PHACTR2: variants seen among roughly 807,000 people sequenced by gnomAD.
PHACTR2 encodes the protein phosphatase and actin regulator 2.
In PHACTR2, 30 loss-of-function variants were observed where a neutral mutation model predicts 76.0. The observed-to-expected ratio is 0.39, with a 90% CI of 0.30 to 0.54. The LOEUF is 0.54. Ranked by LOEUF, PHACTR2 falls within the 20% of genes least tolerant of loss-of-function variation. The pLI, the probability that PHACTR2 is intolerant of heterozygous loss-of-function variation, is 0.61. For missense variants in PHACTR2, 696 were observed against 781.1 expected (o/e 0.89, Z 1.30); for synonymous variants, 292 against 292.5 (o/e 1.00, Z 0.02).
At chr6:143,798,654 T>C (rs1438035471) in intron 11 of PHACTR2, among the ~76,000 whole-genome samples, 1 of 152,246 alleles carries the variant, frequency 6.6e-6, no homozygotes, top group Non-Finnish European at 1.5e-5. Flanking sequence ...CATGTGGTTT[T>C]TGTCATTGGT....
intron 1 of PHACTR2, among the ~76,000 whole-genome samples, chr6:143,588,939 T>C (rs1222078837): frequency 6.6e-6 from 1 of 152,230 alleles, no homozygotes; most frequent in African/African-American, 2.4e-5. Flanking sequence ...CTAATTTGAA[T>C]CAATGATCAA....
intron 2 of PHACTR2, among the ~76,000 whole-genome samples, chr6:143,732,727 C>A (rs566055167): frequency 6.6e-6 from 1 of 152,248 alleles, no homozygotes; most frequent in East Asian, 1.9e-4. Flanking sequence ...TTTTTCAATG[C>A]AGCCACACCA....
intron 1 of PHACTR2, among the ~76,000 whole-genome samples, chr6:143,703,505 A>T (rs1202382590): frequency 6.6e-6 from 1 of 152,212 alleles, no homozygotes; most frequent in Non-Finnish European, 1.5e-5. Flanking sequence ...GGAGGCATGT[A>T]TGAATAGCAG....
intron 2 of PHACTR2, among the ~76,000 whole-genome samples, chr6:143,717,307 C>T (rs576275269): frequency 3.3e-5 from 5 of 152,280 alleles, no homozygotes; most frequent in African/African-American, 1.2e-4. Context: ...TTTGATTCAG[C>T]ACCAGCTGAT....
At chr6:143,629,081 G>A (rs1582715626) in intron 1 of PHACTR2, among the ~76,000 whole-genome samples, 1 of 150,870 alleles carries the variant, frequency 6.6e-6, no homozygotes, top group East Asian at 2.0e-4. Context: ...GATAATGGTG[G>A]TGAGTTATAT....
chr6:143,597,256 G>A lies in PHACTR2; in HGVS notation c.217+60049G>A, dbSNP rs934674970. Among the ~76,000 whole-genome samples the A allele has an allele frequency of 2.6e-5, 4 of 152,168 alleles. No homozygotes were observed. The highest frequency in any genetic ancestry group is 9.7e-5 in the African/African-American group (4 of 41,450). On this transcript the variant is annotated intron_variant, in intron 1 of 11. Transcript: ENST00000367584. This position sits in a 1 kb window ranked among gnomAD's most constrained non-coding sequence, Gnocchi z 5.7. Reference sequence around the variant, plus strand: ...ACATACCATTCGTGAGCTGCTTGCTGTCCCTCCCTTGAAGGAATATTGAGG... The same window carrying A: ...ACATACCATTCGTGAGCTGCTTGCTATCCCTCCCTTGAAGGAATATTGAGG...
chr6:143,771,178 ATATATATATATGTGTG>A (rs1562300775), intron 6 of PHACTR2, among the ~76,000 whole-genome samples: 389 of 25,942 alleles, frequency 0.015, 8 homozygotes, highest in African/African-American at 0.055. Flanking sequence ...ATATATGTAT[ATATATATATATGTGTG>A]TATATATATA....
At position 143,599,348 on chromosome 6, in the gene PHACTR2, G is replaced by A. The variant is rs1270170218; in HGVS notation, c.217+62141G>A. On this transcript the variant is annotated intron_variant, in intron 1 of 11. Transcript: ENST00000367584. This position sits in a 1 kb window ranked among gnomAD's most constrained non-coding sequence, Gnocchi z 4.6. ...GATTCATGAGAGAAAAAAGTAACAT[G>A]CTTTTTAGGCATTTTTAGGAATTTT... Among the ~76,000 whole-genome samples the A allele has an allele frequency of 1.3e-5, 2 of 152,134 alleles. No individual in the cohort carries two copies. The highest frequency in any genetic ancestry group is 4.1e-4 in the South Asian group (2 of 4,824).
rs1268987965 is a variant in PHACTR2, at chr6:143,751,438, G to A, written c.296-2316G>A. 6.6e-6 allele frequency among the ~76,000 whole-genome samples: 1 copy of A among 152,034 alleles called. No homozygotes were observed. Among genetic ancestry groups the A allele is most frequent in the East Asian group, 1.9e-4 (1 of 5,188 alleles). ...CCTTAGCTTTTGACATGAGGTTGTGGAGGTGGTTTTGCCTGTGTGCCATCC... is the reference window on the plus strand; with the variant it reads ...CCTTAGCTTTTGACATGAGGTTGTGAAGGTGGTTTTGCCTGTGTGCCATCC... On this transcript the variant is annotated intron_variant, in intron 3 of 12. Transcript: ENST00000440869. The surrounding 1 kb of genome is among the most constrained non-coding windows in gnomAD (Gnocchi z 5.7).
rs889498372 is a variant in PHACTR2, at chr6:143,616,172, A to C, written c.13+7850A>C. ...CCCAACATCCAGCTATCTCCCCAAA[A>C]TTATTTTGAATTTTTTTCACATAAA... On this transcript the variant is annotated intron_variant, in intron 1 of 11. Coordinates refer to the PHACTR2 transcript ENST00000305766. This position sits in a 1 kb window ranked among gnomAD's most constrained non-coding sequence, Gnocchi z 4.9. 6.6e-6 allele frequency among the ~76,000 whole-genome samples: 1 copy of C among 152,158 alleles called. No individual in the cohort carries two copies. The highest frequency in any genetic ancestry group is 1.9e-4 in the East Asian group (1 of 5,186).
chr6:143,792,209 G>T (rs1488488158), intron 11 of PHACTR2, among the ~76,000 whole-genome samples: 1 of 151,966 alleles, frequency 6.6e-6, no homozygotes, highest in African/African-American at 2.4e-5. Context: ...TATTTTTCTG[G>T]CCATGATCTT....
chr6:143,760,729 T>G lies in PHACTR2; in HGVS notation c.694+89T>G. On this transcript the variant is annotated intron_variant, in intron 5 of 12. Transcript: ENST00000440869. The surrounding 1 kb of genome is among the most constrained non-coding windows in gnomAD (Gnocchi z 6.4). ...ATTGTTTCTTCTAGGTGTGATGGGC[T>G]TTTGGTGTCTTAGGACATTACACCA... 1 of 1,443,944 alleles carries G rather than the reference T, an allele frequency of 6.9e-7. No homozygotes were observed. The highest frequency in any genetic ancestry group is 1.4e-5 in the African/African-American group (1 of 70,506). The allele number at this position is 1,443,944 out of a possible 1,614,324, so 89.4% of individuals were successfully genotyped here. A position where few individuals can be genotyped will look rare whatever the true frequency, so the allele number is the denominator to read the frequency against.
chr6:143,626,503 G>C (rs36155996), intron 1 of PHACTR2, among the ~76,000 whole-genome samples: 7,479 of 141,238 alleles, frequency 0.053, 205 homozygotes, highest in Middle Eastern at 0.11. Context: ...CGCCACTGCA[G>C]TCCATCCTGG....
chr6:143,584,136 C>T (rs1341055453), intron 1 of PHACTR2, among the ~76,000 whole-genome samples: 1 of 152,170 alleles, frequency 6.6e-6, no homozygotes, highest in Non-Finnish European at 1.5e-5. Flanking sequence ...TGACCCATCA[C>T]CACCTCCTGT....
At position 143,553,412 on chromosome 6, in the gene PHACTR2, T is replaced by C. The variant is rs566998481; in HGVS notation, c.217+16205T>C. On this transcript the variant is annotated intron_variant, in intron 1 of 11. Coordinates refer to the PHACTR2 transcript ENST00000367584. The surrounding 1 kb of genome is among the most constrained non-coding windows in gnomAD (Gnocchi z 4.2). Reference sequence around the variant, plus strand: ...TAAATTCACGGAAGTGAAAATATCATACAAACCAGGAAGAGGGGAGTTGGT... The same window carrying C: ...TAAATTCACGGAAGTGAAAATATCACACAAACCAGGAAGAGGGGAGTTGGT... Among the ~76,000 whole-genome samples the C allele has an allele frequency of 6.6e-6, 1 of 152,278 alleles. No homozygotes were observed. Among genetic ancestry groups the C allele is most frequent in the Non-Finnish European group, 1.5e-5 (1 of 68,018 alleles).
intron 1 of PHACTR2, among the ~76,000 whole-genome samples, chr6:143,681,117 T>C (rs938877805): frequency 6.6e-6 from 1 of 152,182 alleles, no homozygotes; most frequent in African/African-American, 2.4e-5. Context: ...AGGTATATAT[T>C]TAGTAGTGGA....
chr6:143,701,699 C>G (rs1777915810), intron 1 of PHACTR2, among the ~76,000 whole-genome samples: 1 of 152,222 alleles, frequency 6.6e-6, no homozygotes, highest in Non-Finnish European at 1.5e-5. Context: ...GGTCTCTCAG[C>G]CTCAACTTCC....
In PHACTR2 at chr6:143,564,221, ATATATATATATATATG is replaced by A. The variant is rs1332763419; in HGVS notation, c.217+27018_217+27033del. Among the ~76,000 whole-genome samples, 135 of 118,226 alleles carry A rather than the reference ATATATATATATATATG, an allele frequency of 1.1e-3. 8 individuals carry two copies. The highest frequency in any genetic ancestry group is 3.9e-3 in the Middle Eastern group (1 of 254). 77.6% of individuals were successfully genotyped at this position (118,226 alleles called of 152,430 possible). Reference sequence around the variant, plus strand: ...CATATATATATATATATATATATATATATATATATATATATGTATGCCACTGCACTCTAACCTTGGC... The same window carrying A: ...CATATATATATATATATATATATATATATGCCACTGCACTCTAACCTTGGC... On this transcript the variant is annotated intron_variant, in intron 1 of 11. Coordinates refer to the PHACTR2 transcript ENST00000367584.
In PHACTR2 at chr6:143,537,630, A is replaced by G. The variant is rs924422410; in HGVS notation, c.217+423A>G. Among the ~76,000 whole-genome samples, 18 of 152,278 alleles carry G rather than the reference A, an allele frequency of 1.2e-4. No homozygotes were observed. The highest frequency in any genetic ancestry group is 2.5e-4 in the Non-Finnish European group (17 of 68,010). ...TCACTTTGCGGGCTGGGACCAGGGCAGGTCTTGGGAGGCTTCCCAACTAAC... is the reference window on the plus strand; with the variant it reads ...TCACTTTGCGGGCTGGGACCAGGGCGGGTCTTGGGAGGCTTCCCAACTAAC... On this transcript the variant is annotated intron_variant, in intron 1 of 11. Transcript: ENST00000367584. The surrounding 1 kb of genome is among the most constrained non-coding windows in gnomAD (Gnocchi z 4.4).
Sources: allele counts gnomAD v4.1 joint callset (sites outside exome capture counted in the v4.1 genomes callset), GRCh38; gene constraint gnomAD v4.1.1; non-coding constraint Gnocchi (gnomAD v3.1); transcripts MANE v1.5; gene names NCBI Gene and HGNC (gene_info 2026-07-23, HGNC 2026-07-21).